Variants in ALDH16A1 observed in about 807,000 individuals in gnomAD.
ALDH16A1 encodes the protein aldehyde dehydrogenase family 16 member A1.
Under a neutral mutation model 96.1 loss-of-function variants are expected in ALDH16A1, and 88 were observed. The observed-to-expected ratio is 0.92, with a 90% confidence interval of 0.77 to 1.09. The LOEUF is 1.09. Ranked by LOEUF, ALDH16A1 falls within the 50% of genes least tolerant of loss-of-function variation. ALDH16A1 has a pLI of 0.00. For synonymous variants in ALDH16A1, 522 were observed against 496.4 expected (o/e 1.05, Z -0.69); for missense variants, 1,250 against 1,112.6 (o/e 1.12, Z -1.76).
chr19:49,458,435 CT>C (rs1297639906), intron 1 of ALDH16A1, 50 bp from the exon 2 acceptor site: 1 of 1,457,660 alleles, frequency 6.9e-7, no homozygotes, highest in South Asian at 1.2e-5. Flanking sequence ...AGGGGTTGAA[CT>C]GCCCCAGCTC....
At chr19:49,453,452 T>A in intron 1 of ALDH16A1, 31 bp downstream of exon 1, 3 of 1,507,466 alleles carry the variant, frequency 2.0e-6, no homozygotes, top group Non-Finnish European at 2.7e-6. Flanking sequence ...CGCTGCTCGC[T>A]GCGTTCCCCA....
At chr19:49,462,456 T>C in intron 7 of ALDH16A1, 114 bp from the exon 8 acceptor site, 1 of 1,286,842 alleles carries the variant, frequency 7.8e-7, no homozygotes, top group Non-Finnish European at 1.1e-6. Context: ...TAGGACTCTG[T>C]TGATTTATCT....
chr19:49,458,676 C>A (rs908192744), intron 2 of ALDH16A1, 88 bp downstream of exon 2: 10 of 1,390,796 alleles, frequency 7.2e-6, no homozygotes, highest in Non-Finnish European at 1.0e-5. Flanking sequence ...TTGCCTAGGG[C>A]CCTGAGGGCA....
At position 49,463,940 on chromosome 19, in the gene ALDH16A1, CCA is replaced by C; in HGVS notation, c.1186_1187del (p.Gln396GlyfsTer87). 6.2e-7 allele frequency: 1 copy of C among 1,609,686 alleles called. No homozygotes were observed. Among genetic ancestry groups the C allele is most frequent in the Non-Finnish European group, 8.5e-7 (1 of 1,177,612 alleles). On this transcript the variant is annotated frameshift_variant, in exon 9 of 17. Coordinates refer to ENST00000293350, the MANE Select transcript of ALDH16A1 (RefSeq NM_153329.4). LOFTEE classifies it high-confidence loss of function. ...SNLPPASPCA[Q>X]VEVPWPVVVA... ...ACCTGCCCCCAGCCTCCCCATGTGCCCAGGTGGAGGTGAGACCCTTAAGGCTG... is the reference window on the plus strand; with the variant it reads ...ACCTGCCCCCAGCCTCCCCATGTGCCGGTGGAGGTGAGACCCTTAAGGCTG...
In ALDH16A1 at chr19:49,455,109, C is replaced by A. The variant is rs895773209; in HGVS notation, c.90+1688C>A. 4.1e-5 allele frequency among the ~76,000 whole-genome samples: 6 copies of A among 146,158 alleles called. No homozygotes were observed. In the Admixed American group the frequency reaches 4.1e-4, roughly 10 times the overall value. On this transcript the variant is annotated intron_variant, in intron 1 of 16. Coordinates refer to ENST00000293350, the MANE Select transcript of ALDH16A1 (RefSeq NM_153329.4). ...CTCCAGCCTGGGCAACGGAGCAAGA[C>A]GCTGTCTCCAAAAAAAATACAAAAA...
chr19:49,465,959 C>G (rs987851963), intron 13 of ALDH16A1, 54 bp downstream of exon 13: 2 of 1,576,414 alleles, frequency 1.3e-6, no homozygotes, highest in African/African-American at 2.7e-5. Flanking sequence ...AGAGGGGAGC[C>G]TGCCCACAGC....
At position 49,468,958 on chromosome 19, in the gene ALDH16A1, AGGCCATGTG is replaced by A; in HGVS notation, c.2221_2229del (p.Ala741_Trp743del). 1 of 1,613,790 alleles carries A rather than the reference AGGCCATGTG, an allele frequency of 6.2e-7. No homozygotes were observed. Among genetic ancestry groups the A allele is most frequent in the Non-Finnish European group, 8.5e-7 (1 of 1,179,810 alleles). On this transcript the variant is annotated inframe_deletion, in exon 16 of 17. Coordinates refer to ENST00000293350, the MANE Select transcript of ALDH16A1 (RefSeq NM_153329.4). This position sits in a 1 kb window ranked among gnomAD's most constrained non-coding sequence, Gnocchi z 4.4. Reference sequence around the variant, plus strand: ...TGCCTGGCCTTGCACCAAGACGTCCAGGCCATGTGGTATTTCGGATCAGCCCAGGTGCTC... The same window carrying A: ...TGCCTGGCCTTGCACCAAGACGTCCAGTATTTCGGATCAGCCCAGGTGCTC...
At chr19:49,462,077 C>A (rs750632744) in intron 7 of ALDH16A1, 41 bp downstream of exon 7, 1 of 1,497,146 alleles carries the variant, frequency 6.7e-7, no homozygotes, top group South Asian at 1.3e-5. Context: ...CCCTGGAGGC[C>A]GTTGGTGTCT....
rs1385765866 is a variant in ALDH16A1, at chr19:49,466,201, C to T, written c.1856C>T (p.Ala619Val). Residue 619 changes from alanine (A) to valine (V), a missense_variant, in exon 14 of 17, where the codon GCT (alanine) becomes GTT (valine). Physicochemically the swap from Ala to Val is moderately conservative, Grantham distance 64. Transcript: ENST00000293350. ...GAGAGGCAGGGAGCGGAGCTCAAGG[C>T]TGCGGAGGCGGAGGTGGAGCTGAGC... ...RLERQGAELK[A>V]AEAEVELSAR... 1 of 1,540,986 alleles carries T rather than the reference C, an allele frequency of 6.5e-7. No individual in the cohort carries two copies. Among genetic ancestry groups the T allele is most frequent in the South Asian group, 1.2e-5 (1 of 82,970 alleles).
intron 1 of ALDH16A1, among the ~76,000 whole-genome samples, chr19:49,457,405 A>G (rs911701970): frequency 1.3e-5 from 2 of 149,694 alleles, no homozygotes; most frequent in South Asian, 2.1e-4. Flanking sequence ...AAAATTAGCC[A>G]GGCGTGGTGG....
At chr19:49,467,915 G>A (rs926919894) in intron 14 of ALDH16A1, among the ~76,000 whole-genome samples, 12 of 150,528 alleles carry the variant, frequency 8.0e-5, no homozygotes, top group Non-Finnish European at 1.3e-4. Context: ...AGCACTTTGC[G>A]AGGCCAAGGT....
chr19:49,470,015 C>A (rs2079231965), intron 16 of ALDH16A1: 6 of 308,352 alleles, frequency 1.9e-5, no homozygotes, highest in Admixed American at 4.7e-5. Context: ...CGCGCCCCAC[C>A]GTCCACTCTC....
chr19:49,464,151 T>C lies in ALDH16A1; in HGVS notation c.1219T>C (p.Ser407Pro), dbSNP rs1358905128. Residue 407 changes from serine (S) to proline (P), a missense_variant, in exon 10 of 17, where the codon TCC becomes CCC. Physicochemically the swap from Ser to Pro is moderately conservative, Grantham distance 74 (BLOSUM62 -1). Transcript: ENST00000293350. ...VEVPWPVVVA[S>P]PFRTAKEALL... is the part of the protein sequence containing the mutation. ...GGTGCCGTGGCCTGTGGTCGTGGCC[T>C]CCCCCTTCCGCACAGCCAAGGAGGC... The C allele has an allele frequency of 1.9e-6, 3 of 1,608,430 alleles. No individual in the cohort carries two copies. In the South Asian group the frequency reaches 3.3e-5, roughly 18 times the overall value.
intron 14 of ALDH16A1, 53 bp downstream of exon 14, chr19:49,466,336 A>T: frequency 7.1e-7 from 1 of 1,411,552 alleles, no homozygotes; most frequent in Non-Finnish European, 9.2e-7. Context: ...TGGGGCTCAG[A>T]CCAGAGGCTG....
rs1191200900 is a variant in ALDH16A1 at position 49,463,957 on chromosome 19, C to T, written c.1194+8C>T. The T allele has an allele frequency of 1.2e-6, 2 of 1,604,964 alleles. No individual in the cohort carries two copies. The highest frequency in any genetic ancestry group is 4.5e-5 in the East Asian group (2 of 44,856). On this transcript the variant is annotated splice_region_variant and intron_variant, in intron 9 of 16. Coordinates refer to ENST00000293350, the MANE Select transcript of ALDH16A1 (RefSeq NM_153329.4). ...CCATGTGCCCAGGTGGAGGTGAGAC[C>T]CTTAAGGCTGCAGAGCTCCTACCCA... is the stretch of plus-strand genomic sequence containing the variant.
At chr19:49,453,477 G>C in intron 1 of ALDH16A1, 56 bp downstream of exon 1, 2 of 1,460,874 alleles carry the variant, frequency 1.4e-6, no homozygotes, top group East Asian at 2.5e-5. Flanking sequence ...TGGGCGCCCG[G>C]TTTTTCGCGG....
Position 49,458,390 on chromosome 19 carries a change from G to A in ALDH16A1, c.91-96G>A, listed in dbSNP as rs977129927. The A allele has an allele frequency of 4.4e-6, 4 of 914,848 alleles. No individual in the cohort carries two copies. The African/African-American group carries it at 6.6e-5, about 15-fold the overall frequency. 56.7% of individuals were successfully genotyped at this position (914,848 alleles called of 1,614,324 possible). ...GAAAAGAATTAGCTGATGGGGCAGA[G>A]GGAGACAGACGTCCCCTCCTAGAGG... On this transcript the variant is annotated intron_variant, in intron 1 of 16. Coordinates refer to ENST00000293350, the MANE Select transcript of ALDH16A1 (RefSeq NM_153329.4).
At chr19:49,462,156 G>A in intron 7 of ALDH16A1, 120 bp downstream of exon 7, 1 of 1,353,116 alleles carries the variant, frequency 7.4e-7, no homozygotes, top group Non-Finnish European at 9.6e-7. Flanking sequence ...TTTTGAGACG[G>A]AGTTTCACTC....
rs765229941 is a variant in ALDH16A1, at chr19:49,461,811, G to T, written c.759+11G>T. ...TGCGGAGCCCCGGAGGTACCTTCGG[G>T]ACAGGGGTCGTGGCGGAACGCGGCT... On this transcript the variant is annotated intron_variant, in intron 6 of 16. Coordinates refer to ENST00000293350, the MANE Select transcript of ALDH16A1 (RefSeq NM_153329.4). 5.0e-6 allele frequency: 8 copies of T among 1,609,048 alleles called. No homozygotes were observed. The highest frequency in any genetic ancestry group is 6.8e-6 in the Non-Finnish European group (8 of 1,178,002).
Sources: allele counts gnomAD v4.1 joint callset (sites outside exome capture counted in the v4.1 genomes callset), GRCh38; gene constraint gnomAD v4.1.1; non-coding constraint Gnocchi (gnomAD v3.1); transcripts MANE v1.5; gene names NCBI Gene and HGNC (gene_info 2026-07-23, HGNC 2026-07-21).